The following ST3GAL1 variants were observed in gnomAD, a reference collection of about 807,000 sequenced individuals.
The protein encoded by ST3GAL1 is ST3 beta-galactoside alpha-2,3-sialyltransferase 1, also known as CMP-N-acetylneuraminate-beta-galactosamide-alpha-2,3-sialyltransferase 1.
ST3GAL1 carries 16 observed loss-of-function variants against 34.1 expected under a neutral mutation model. The ratio of observed to expected loss-of-function variants is 0.47; its 90% CI spans 0.32 to 0.71. The LOEUF is 0.71. ST3GAL1 is among the 30% of genes least tolerant of loss of function. The probability of loss-of-function intolerance (pLI) is 0.04; values close to 1 mark genes in which losing one functional copy is unlikely to be tolerated. For missense variants in ST3GAL1, 353 were observed against 447.4 expected (o/e 0.79, Z 1.90); for synonymous variants, 191 against 184.7 (o/e 1.03, Z -0.28).
intron 3 of ST3GAL1, among the ~76,000 whole-genome samples, chr8:133,482,820 G>A (rs898293982): frequency 1.3e-5 from 2 of 152,138 alleles, no homozygotes; most frequent in Admixed American, 6.5e-5. Flanking sequence ...ACTGCTGTCC[G>A]GCCCATGCCT....
intron 2 of ST3GAL1, among the ~76,000 whole-genome samples, chr8:133,521,639 T>G (rs1178446270): frequency 6.6e-6 from 1 of 152,226 alleles, no homozygotes; most frequent in African/African-American, 2.4e-5. Flanking sequence ...GAGCTCCTCC[T>G]GCATGCTCCA....
intron 1 of ST3GAL1, among the ~76,000 whole-genome samples, chr8:133,552,359 C>T (rs977391850): frequency 2.0e-5 from 3 of 152,224 alleles, no homozygotes; most frequent in Non-Finnish European, 4.4e-5. Flanking sequence ...CAAGAGCAGA[C>T]ACAGAAGCTG....
intron 2 of ST3GAL1, among the ~76,000 whole-genome samples, chr8:133,533,140 C>A (rs1308497026): frequency 6.6e-6 from 1 of 152,112 alleles, no homozygotes. Context: ...CCTTCTAGTC[C>A]CCCAGCGCCC....
chr8:133,558,345 G>A (rs1043130784), intron 1 of ST3GAL1, among the ~76,000 whole-genome samples: 5 of 152,198 alleles, frequency 3.3e-5, no homozygotes, highest in African/African-American at 1.2e-4. Flanking sequence ...AGGTACCATT[G>A]TTATCCAGAT....
chr8:133,488,839 A>T (rs996408686), intron 3 of ST3GAL1, among the ~76,000 whole-genome samples: 4 of 151,128 alleles, frequency 2.6e-5, no homozygotes, highest in Non-Finnish European at 5.9e-5. Context: ...AGTCAAGTGG[A>T]TTGGAAGACT....
At chr8:133,527,716 C>T (rs1171512690) in intron 2 of ST3GAL1, among the ~76,000 whole-genome samples, 2 of 152,202 alleles carry the variant, frequency 1.3e-5, no homozygotes, top group Admixed American at 1.3e-4. Flanking sequence ...TCACGCAGAG[C>T]TGGAGAAGAT....
rs554493533 is a variant in ST3GAL1, at chr8:133,466,518, C to T, written c.307-428G>A. 6.6e-6 allele frequency among the ~76,000 whole-genome samples: 1 copy of T among 152,178 alleles called. No individual in the cohort carries two copies. The highest frequency in any genetic ancestry group is 2.4e-5 in the African/African-American group (1 of 41,428). The stretch of plus-strand genomic sequence containing the variant: ...TTGAAAGAGAGAAAAATAGCAGAAG[C>T]CTTCTAGCTGTGTCTTACTCCCACC... On this transcript the variant is annotated intron_variant, in intron 5 of 9. Coordinates refer to ENST00000522652, the MANE Select transcript of ST3GAL1 (RefSeq NM_173344.3). The surrounding 1 kb of genome is among the most constrained non-coding windows in gnomAD (Gnocchi z 4.4).
rs74377559 is a variant in ST3GAL1 at position 133,475,755 on chromosome 8, G to A, written c.270C>T (p.Asn90=). 7.1e-4 allele frequency: 1,143 copies of A among 1,611,652 alleles called. 9 individuals carry two copies. The African/African-American group carries it at 0.014, about 19-fold the overall frequency. Residue 90 remains asparagine, a synonymous_variant, in exon 5 of 10, where the codon AAC becomes AAT. Transcript: ENST00000522652. ...GGTAGGTGTCGTCCTCCAAGAGCGCGTTCTGGGCGGTCAGCAGCGGCTGCA... is the reference window on the plus strand; with the variant it reads ...GGTAGGTGTCGTCCTCCAAGAGCGCATTCTGGGCGGTCAGCAGCGGCTGCA... The part of the protein sequence containing the change: ...QTMQPLLTAQ[N]ALLEDDTYRW...
chr8:133,513,105 C>T (rs775502028), intron 2 of ST3GAL1, among the ~76,000 whole-genome samples: 21 of 152,148 alleles, frequency 1.4e-4, no homozygotes, highest in Non-Finnish European at 1.6e-4. Flanking sequence ...TCAGAGAACA[C>T]GGTCATCAAT....
At chr8:133,534,521 T>A in intron 2 of ST3GAL1, among the ~76,000 whole-genome samples, 1 of 152,164 alleles carries the variant, frequency 6.6e-6, no homozygotes, top group Non-Finnish European at 1.5e-5. Flanking sequence ...TGTGTTTGCC[T>A]AAGTTAATTG....
intron 3 of ST3GAL1, among the ~76,000 whole-genome samples, chr8:133,485,752 G>A (rs544990697): frequency 7.2e-6 from 1 of 139,796 alleles, no homozygotes; most frequent in South Asian, 2.4e-4. Context: ...ATCTTAGGAG[G>A]TGTCATGGGC....
intron 2 of ST3GAL1, among the ~76,000 whole-genome samples, chr8:133,530,761 A>T (rs1396147973): frequency 2.0e-5 from 3 of 152,222 alleles, no homozygotes; most frequent in Non-Finnish European, 4.4e-5. Flanking sequence ...ATCCTGTGTG[A>T]CAGGAGGAGC....
intron 1 of ST3GAL1, among the ~76,000 whole-genome samples, chr8:133,546,351 C>T (rs55773850): frequency 3.9e-5 from 6 of 152,082 alleles, no homozygotes; most frequent in South Asian, 2.1e-4. Flanking sequence ...GGCATGGTGG[C>T]GCACACCTGT....
rs1475566585 is a variant in ST3GAL1 at position 133,464,781 on chromosome 8, G to A, written c.680C>T (p.Ser227Phe). The change falls in exon 7 of 10, where the codon TCC becomes TTC. Residue 227 changes from serine to phenylalanine, a missense_variant. Ser to Phe is a radical substitution (Grantham distance 155, BLOSUM62 -2). Transcript: ENST00000522652. ...VVSAITTGTI[S>F]HTYIPVPAKI... is the part of the protein sequence containing the mutation. Reference sequence around the variant, plus strand: ...CGGGGCCACAGGAGGGACTCACTGGGAAATGGTGCCCGTGGTGATGGCGCT... The same window carrying A: ...CGGGGCCACAGGAGGGACTCACTGGAAAATGGTGCCCGTGGTGATGGCGCT... The A allele has an allele frequency of 2.5e-6, 4 of 1,611,784 alleles. No homozygotes were observed. Among genetic ancestry groups the A allele is most frequent in the South Asian group, 1.1e-5 (1 of 90,888 alleles).
At chr8:133,562,285 C>T (rs1355396158) in intron 1 of ST3GAL1, among the ~76,000 whole-genome samples, 1 of 149,700 alleles carries the variant, frequency 6.7e-6, no homozygotes, top group African/African-American at 2.5e-5. Context: ...TCTCAGCTCA[C>T]TGCAACCTCC....
chr8:133,515,454 G>C (rs1266729325), intron 2 of ST3GAL1: 1 of 152,210 alleles, frequency 6.6e-6, no homozygotes, highest in African/African-American at 2.4e-5. Flanking sequence ...TCCGGGTAAT[G>C]AGTGAGTGCT....
At chr8:133,540,898 TATATATAGAC>T (rs1563734168) in intron 2 of ST3GAL1, among the ~76,000 whole-genome samples, 7 of 92,502 alleles carry the variant, frequency 7.6e-5, no homozygotes, top group African/African-American at 3.6e-4. Context: ...TATATAGACA[TATATATAGAC>T]ATATATATAG....
At position 133,455,258 on chromosome 8, in the gene ST3GAL1, G is replaced by A. The variant is rs1439983806; in HGVS notation, c.*4506C>T. 6.6e-6 allele frequency: 1 copy of A among 152,454 alleles called. No homozygotes were observed. Among genetic ancestry groups the A allele is most frequent in the Non-Finnish European group, 1.5e-5 (1 of 68,134 alleles). 9.4% of individuals were successfully genotyped at this position (152,454 alleles called of 1,614,324 possible). A position where few individuals can be genotyped will look rare whatever the true frequency, so the allele number is the denominator to read the frequency against. ...TACAACCGATGGCAGTTTTGTACTA[G>A]GAAGAAGCTGAGTGATGAGGCTGGG... On this transcript the variant is annotated 3_prime_UTR_variant, in exon 10 of 10. Transcript: ENST00000522652.
intron 2 of ST3GAL1, among the ~76,000 whole-genome samples, chr8:133,505,608 C>CTT (rs202198983): frequency 3.2e-4 from 47 of 145,082 alleles, no homozygotes; most frequent in African/African-American, 8.9e-4. Context: ...CTTTTCTTTT[C>CTT]TTTTTTTTTT....
Sources: allele counts gnomAD v4.1 joint callset (sites outside exome capture counted in the v4.1 genomes callset), GRCh38; gene constraint gnomAD v4.1.1; non-coding constraint Gnocchi (gnomAD v3.1); transcripts MANE v1.5; gene names NCBI Gene and HGNC (gene_info 2026-07-23, HGNC 2026-07-21).